CSGALNACT1: variants seen among roughly 807,000 people sequenced by gnomAD.
CSGALNACT1 encodes the protein chondroitin sulfate N-acetylgalactosaminyltransferase 1.
In CSGALNACT1, 52 loss-of-function variants were observed where a neutral mutation model predicts 51.0. That is an observed-to-expected ratio of 1.02 (90% CI 0.82 to 1.29). The LOEUF (loss-of-function observed/expected upper bound fraction) is 1.29. CSGALNACT1 is among the 50% of genes most tolerant of loss of function. The probability of loss-of-function intolerance (pLI) is 0.00; values close to 1 mark genes in which losing one functional copy is unlikely to be tolerated. For missense variants in CSGALNACT1, 935 were observed against 679.2 expected, an observed-to-expected ratio of 1.38 and a Z score of -4.19; for synonymous variants, 341 against 254.4, an observed-to-expected ratio of 1.34 and a Z score of -3.24.
chr8:19,608,844 A>T (rs2051774586), intron 1 of CSGALNACT1, among the ~76,000 whole-genome samples: 1 of 152,190 alleles, frequency 6.6e-6, no homozygotes, highest in South Asian at 2.1e-4. Context: ...AGGCATTTTG[A>T]ATGGTAATTT....
At chr8:19,603,923 T>A (rs1273605755), upstream of CSGALNACT1, among the ~76,000 whole-genome samples, 1 of 152,056 alleles carries the variant, frequency 6.6e-6, no homozygotes, top group Non-Finnish European at 1.5e-5. Context: ...GAAGAACTGT[T>A]CACAGTTTTC....
intron 3 of CSGALNACT1, among the ~76,000 whole-genome samples, chr8:19,575,617 G>C (rs1360169564): frequency 2.0e-5 from 3 of 152,322 alleles, no homozygotes; most frequent in South Asian, 2.1e-4. Flanking sequence ...GTAATAATTT[G>C]AATATTCACT....
At chr8:19,501,103 A>C (rs1267943935) in intron 4 of CSGALNACT1, among the ~76,000 whole-genome samples, 1 of 151,608 alleles carries the variant, frequency 6.6e-6, no homozygotes, top group Admixed American at 6.6e-5. Context: ...TACAAAAATT[A>C]ACCAAGCATA....
intron 1 of CSGALNACT1, among the ~76,000 whole-genome samples, chr8:19,651,359 C>T (rs1414174742): frequency 7.2e-5 from 11 of 152,074 alleles, no homozygotes; most frequent in Admixed American, 6.6e-5. Context: ...CAGATTATTT[C>T]GTCACCAAGG....
chr8:19,605,915 T>TTTAGGGA (rs1392100429), upstream of CSGALNACT1, among the ~76,000 whole-genome samples: 1 of 152,214 alleles, frequency 6.6e-6, no homozygotes, highest in African/African-American at 2.4e-5. Context: ...ATTCATCCTA[T>TTTAGGGA]TTAATGTACA....
intron 2 of CSGALNACT1, among the ~76,000 whole-genome samples, chr8:19,599,112 G>A (rs935469598): frequency 3.5e-4 from 53 of 151,998 alleles, no homozygotes; most frequent in African/African-American, 1.2e-3. Context: ...GGAACAGGTG[G>A]AGACAAAAGC....
intron 9 of CSGALNACT1, among the ~76,000 whole-genome samples, chr8:19,406,969 A>G (rs745388591): frequency 6.6e-6 from 1 of 152,216 alleles, no homozygotes; most frequent in Non-Finnish European, 1.5e-5. Flanking sequence ...TTGGCCTCCC[A>G]GAGTGCTGGG....
At chr8:19,705,529 A>C (rs1374395334) in intron 1 of CSGALNACT1, among the ~76,000 whole-genome samples, 1 of 152,214 alleles carries the variant, frequency 6.6e-6, no homozygotes, top group Admixed American at 6.5e-5. Flanking sequence ...TAAGCCCAGG[A>C]GCTCAAGACC....
chr8:19,537,915 G>C (rs1378142798), intron 3 of CSGALNACT1, among the ~76,000 whole-genome samples: 1 of 152,152 alleles, frequency 6.6e-6, no homozygotes, highest in Non-Finnish European at 1.5e-5. Flanking sequence ...AAAAACTTTT[G>C]CTCTGCAAAA....
At chr8:19,744,745 G>A (rs2064541717) in intron 1 of CSGALNACT1, among the ~76,000 whole-genome samples, 1 of 152,198 alleles carries the variant, frequency 6.6e-6, no homozygotes, top group Non-Finnish European at 1.5e-5. Flanking sequence ...ATCCTTGAAT[G>A]TGATTTGTCT....
intron 1 of CSGALNACT1, among the ~76,000 whole-genome samples, chr8:19,626,066 G>C (rs887586439): frequency 1.3e-5 from 2 of 152,120 alleles, no homozygotes; most frequent in Admixed American, 6.5e-5. Flanking sequence ...ATATACACAG[G>C]CTTCTTCTAA....
chr8:19,704,994 T>C (rs543406548), intron 1 of CSGALNACT1, among the ~76,000 whole-genome samples: 2 of 152,316 alleles, frequency 1.3e-5, no homozygotes, highest in East Asian at 3.9e-4. Flanking sequence ...ACAAGATGAA[T>C]AAGTTCTGGT....
intron 6 of CSGALNACT1, among the ~76,000 whole-genome samples, chr8:19,436,831 A>C (rs1159502214): frequency 4.6e-5 from 7 of 152,198 alleles, no homozygotes; most frequent in African/African-American, 1.7e-4. Flanking sequence ...AGACCATGTG[A>C]GCCCAGGAGT....
chr8:19,577,222 C>A (rs867526953), intron 3 of CSGALNACT1, among the ~76,000 whole-genome samples: 6 of 152,066 alleles, frequency 3.9e-5, no homozygotes, highest in African/African-American at 1.5e-4. Flanking sequence ...TTGTTCTCCA[C>A]GCGATACTAG....
At chr8:19,441,001 C>T (rs970315003) in intron 5 of CSGALNACT1, among the ~76,000 whole-genome samples, 3 of 152,098 alleles carry the variant, frequency 2.0e-5, no homozygotes, top group African/African-American at 7.2e-5. Flanking sequence ...CCTAGGAATC[C>T]AACTTACAAG....
At chr8:19,652,255 T>G (rs73214677) in intron 1 of CSGALNACT1, among the ~76,000 whole-genome samples, 2,932 of 152,214 alleles carry the variant, frequency 0.019, 53 homozygotes, top group South Asian at 0.045. Flanking sequence ...CAGGCCTGCT[T>G]TTTACTTTTT....
At chr8:19,741,485 G>A (rs2064309395) in intron 1 of CSGALNACT1, among the ~76,000 whole-genome samples, 1 of 150,362 alleles carries the variant, frequency 6.7e-6, no homozygotes, top group African/African-American at 2.5e-5. Flanking sequence ...ATCGCTTGAA[G>A]CCGGGAAGCG....
intron 3 of CSGALNACT1, among the ~76,000 whole-genome samples, chr8:19,561,983 C>T (rs10106622): frequency 0.14 from 20,776 of 152,080 alleles, 1,962 homozygotes; most frequent in African/African-American, 0.27. Flanking sequence ...CTTGACCTTC[C>T]CCTATCCTCC....
chr8:19,561,670 A>AGG (rs1415758147), intron 3 of CSGALNACT1, among the ~76,000 whole-genome samples: 1 of 152,236 alleles, frequency 6.6e-6, no homozygotes, highest in Non-Finnish European at 1.5e-5. Context: ...CAGAAGGGGC[A>AGG]GGGGGCATAC....
Sources: gnomAD v4.1 joint callset for allele counts (sites outside exome capture counted in the v4.1 genomes callset) on GRCh38, gnomAD v4.1.1 for gene constraint, MANE v1.5 for transcripts, NCBI Gene and HGNC (gene_info 2026-07-23, HGNC 2026-07-21) for gene names.